FRMD8: variants seen among roughly 807,000 people sequenced by gnomAD.
The protein encoded by FRMD8 is FERM domain containing 8.
FRMD8 carries 37 observed loss-of-function variants against 54.2 expected under a neutral mutation model. The ratio of observed to expected loss-of-function variants is 0.68; its 90% confidence interval spans 0.53 to 0.90. The LOEUF (loss-of-function observed/expected upper bound fraction) is 0.90, where lower values mean the gene tolerates loss of function less well. Among genes scored for constraint, FRMD8 ranks in the 40% least tolerant of loss-of-function variants. The pLI is 0.00. For synonymous variants in FRMD8, 246 were observed against 286.9 expected (o/e 0.86, Z 1.44); for missense variants, 585 against 653.7 (o/e 0.89, Z 1.15).
Position 65,400,785 on chromosome 11 carries a change from A to T in FRMD8, c.989A>T (p.Glu330Val), listed in dbSNP as rs1257349404. 1 of 1,612,360 alleles carries T rather than the reference A, an allele frequency of 6.2e-7. No individual in the cohort carries two copies. The highest frequency in any genetic ancestry group is 8.5e-7 in the Non-Finnish European group (1 of 1,179,562). Residue 330 changes from glutamate to valine, a missense_variant, in exon 9 of 11, where the codon GAG (glutamate) becomes GTG (valine). Transcript: ENST00000317568. The surrounding 1 kb of genome is among the most constrained non-coding windows in gnomAD (Gnocchi z 4.3). ...LSWDHTSPEEEEPILWLEFDG... is the reference protein window; with the variant it reads ...LSWDHTSPEEVEPILWLEFDG... The stretch of plus-strand genomic sequence containing the variant: ...TGGGACCACACCTCCCCCGAGGAGG[A>T]GGAGCCCATCTTGTGGCTGGAGTTC...
At chr11:65,405,866 G>GTGGTATA (rs1856184801) in intron 10 of FRMD8, among the ~76,000 whole-genome samples, 1 of 152,074 alleles carries the variant, frequency 6.6e-6, no homozygotes, top group Admixed American at 6.5e-5. Context: ...GCTGAGCACG[G>GTGGTATA]TGGTATATGC....
chr11:65,403,335 A>C (rs570938712), intron 9 of FRMD8, among the ~76,000 whole-genome samples: 1 of 152,256 alleles, frequency 6.6e-6, no homozygotes, highest in African/African-American at 2.4e-5. Context: ...GGAGCCTGCC[A>C]TCACACCCAG....
the FRMD8 span, among the ~76,000 whole-genome samples, chr11:65,373,990 C>A: frequency 6.6e-6 from 1 of 152,012 alleles, no homozygotes; most frequent in Non-Finnish European, 1.5e-5. Context: ...ATGAAGCTTG[C>A]TAAACTGTTG....
rs542159812 is a variant in FRMD8 at position 65,403,297 on chromosome 11, C to G, written c.1072-1567C>G. ...TCCTAGGTTCAAGCGATTCTCTCAC[C>G]TCAGCCTCCTGAGTAGCTGGGATTA... On this transcript the variant is annotated intron_variant, in intron 9 of 10. Coordinates refer to ENST00000317568, the MANE Select transcript of FRMD8 (RefSeq NM_031904.5). 1.2e-4 allele frequency among the ~76,000 whole-genome samples: 18 copies of G among 152,334 alleles called. 1 individual carries two copies. In the South Asian group the frequency reaches 1.7e-3, roughly 14 times the overall value.
At chr11:65,380,572 T>C in the FRMD8 span, 1 of 1,304,256 alleles carries the variant, frequency 7.7e-7, no homozygotes, top group Admixed American at 2.3e-5. Flanking sequence ...CAACTCATAA[T>C]GTCGTCGCCG....
intron 3 of FRMD8, among the ~76,000 whole-genome samples, chr11:65,391,648 T>C (rs1255134833): frequency 1.3e-5 from 2 of 151,992 alleles, no homozygotes; most frequent in Non-Finnish European, 2.9e-5. Context: ...GTAGCTGGGA[T>C]TACAAGCAAG....
chr11:65,396,907 G>A lies in FRMD8; in HGVS notation c.690G>A (p.Leu230=), dbSNP rs199896450. ...GGGCCGGGCCGGGCGAGCAGGGCCT[G>A]CTGAACGCCTACCGCCAGGTGCAGG... ...GARAGPGEQG[L]LNAYRQVQEV... is the part of the protein sequence containing the mutation. Residue 230 remains leucine (L), a synonymous_variant, in exon 7 of 11, where the codon CTG becomes CTA. Coordinates refer to ENST00000317568, the MANE Select transcript of FRMD8 (RefSeq NM_031904.5). The A allele has an allele frequency of 1.3e-6, 2 of 1,556,990 alleles. No individual in the cohort carries two copies. Among genetic ancestry groups the A allele is most frequent in the African/African-American group, 1.4e-5 (1 of 72,976 alleles).
Position 65,394,417 on chromosome 11 carries a change from C to A in FRMD8, c.573C>A (p.Cys191Ter). The change falls in exon 6 of 11, where the codon TGC becomes TGA. Residue 191 changes from cysteine (C) to a stop codon, truncating the protein, a stop_gained. Coordinates refer to ENST00000317568, the MANE Select transcript of FRMD8 (RefSeq NM_031904.5). LOFTEE classifies it high-confidence loss of function. Reference sequence around the variant, plus strand: ...ACCAGCCCGGCCGGCCGGCAGCCTGCGACCTGAGGTGAGGGCCTGTGTGAC... The same window carrying A: ...ACCAGCCCGGCCGGCCGGCAGCCTGAGACCTGAGGTGAGGGCCTGTGTGAC... ...GPYQPGRPAA[C>*]DLREKLDSFL... 6.4e-7 allele frequency: 1 copy of A among 1,566,764 alleles called. No individual in the cohort carries two copies. Among genetic ancestry groups the A allele is most frequent in the Non-Finnish European group, 8.6e-7 (1 of 1,158,956 alleles).
chr11:65,376,560 C>T, the FRMD8 span: 41 of 1,614,060 alleles, frequency 2.5e-5, 1 homozygote, highest in Middle Eastern at 1.6e-4. Flanking sequence ...TCCCCTGGTA[C>T]ACTCTGCGTC....
At chr11:65,390,439 G>A (rs959379931) in intron 3 of FRMD8, among the ~76,000 whole-genome samples, 15 of 152,126 alleles carry the variant, frequency 9.9e-5, no homozygotes, top group African/African-American at 3.4e-4. Context: ...GAGGGAGTGC[G>A]TAGGACAGCC....
intron 7 of FRMD8, 56 bp downstream of exon 7, chr11:65,397,076 T>A: frequency 3.9e-6 from 4 of 1,026,298 alleles, no homozygotes; most frequent in Non-Finnish European, 5.4e-6. Flanking sequence ...TCTTGGGCTT[T>A]GCTAGCACAG....
chr11:65,379,709 G>A, the FRMD8 span: 52 of 1,240,170 alleles, frequency 4.2e-5, no homozygotes, highest in South Asian at 1.0e-4. Context: ...CTGAGGCTGC[G>A]CCTCTGGGGT....
At position 65,400,786 on chromosome 11, in the gene FRMD8, G is replaced by T; in HGVS notation, c.990G>T (p.Glu330Asp). 1 of 1,612,780 alleles carries T rather than the reference G, an allele frequency of 6.2e-7. No individual in the cohort carries two copies. The highest frequency in any genetic ancestry group is 8.5e-7 in the Non-Finnish European group (1 of 1,179,658). ...LSWDHTSPEE[E>D]EPILWLEFDG... The stretch of plus-strand genomic sequence containing the variant: ...GGGACCACACCTCCCCCGAGGAGGA[G>T]GAGCCCATCTTGTGGCTGGAGTTCG... Residue 330 changes from glutamate (E) to aspartate (D), a missense_variant, in exon 9 of 11, where the codon GAG (glutamate) becomes GAT (aspartate). Glu to Asp is a conservative substitution (Grantham distance 45). Transcript: ENST00000317568. The surrounding 1 kb of genome is among the most constrained non-coding windows in gnomAD (Gnocchi z 4.3).
intron 2 of FRMD8, 123 bp from the exon 3 acceptor site, chr11:65,389,238 G>T: frequency 2.3e-6 from 2 of 873,660 alleles, no homozygotes; most frequent in Non-Finnish European, 3.6e-6. Context: ...CGTAGCCCTG[G>T]TCACCCCTGA....
At chr11:65,378,971 G>A in the FRMD8 span, 1 of 215,474 alleles carries the variant, frequency 4.6e-6, no homozygotes, top group Non-Finnish European at 9.4e-6. Context: ...GGAGTGTCAG[G>A]ACCTCATCAG....
chr11:65,394,453 G>A, intron 6 of FRMD8, 28 bp downstream of exon 6: 2 of 1,546,704 alleles, frequency 1.3e-6, no homozygotes, highest in Non-Finnish European at 1.7e-6. Context: ...TTGAGGCGGG[G>A]GCGCTGGGTG....
chr11:65,399,683 C>T, intron 7 of FRMD8, 53 bp from the exon 8 acceptor site: 1 of 1,599,572 alleles, frequency 6.3e-7, no homozygotes, highest in Non-Finnish European at 8.5e-7. Flanking sequence ...CTCGAGCAGC[C>T]TCCCTCAGCA....
At chr11:65,394,823 C>G (rs1855915321) in intron 6 of FRMD8, among the ~76,000 whole-genome samples, 1 of 152,192 alleles carries the variant, frequency 6.6e-6, no homozygotes, top group South Asian at 2.1e-4. Flanking sequence ...ACCTCCCAGC[C>G]CTCTCCAGGA....
intron 3 of FRMD8, 126 bp downstream of exon 3, chr11:65,389,654 C>T: frequency 9.8e-7 from 1 of 1,022,876 alleles, no homozygotes; most frequent in Non-Finnish European, 1.4e-6. Context: ...AAAGGTGGGA[C>T]TTGGGTTTAT....
Sources: allele counts gnomAD v4.1 joint callset (sites outside exome capture counted in the v4.1 genomes callset), GRCh38; gene constraint gnomAD v4.1.1; non-coding constraint Gnocchi (gnomAD v3.1); transcripts MANE v1.5; gene names NCBI Gene and HGNC (gene_info 2026-07-23, HGNC 2026-07-21).